Variants in ACVR1B observed in about 807,000 individuals in gnomAD.
The protein encoded by ACVR1B is activin A receptor type 1B.
Under a neutral mutation model 55.6 loss-of-function variants are expected in ACVR1B, and 15 were observed. The observed-to-expected ratio is 0.27, with a 90% CI of 0.18 to 0.42. The LOEUF is 0.42. ACVR1B is among the 10% of genes least tolerant of loss of function. ACVR1B has a pLI of 1.00. For missense variants in ACVR1B, 359 were observed against 670.1 expected (o/e 0.54, Z 5.13); for synonymous variants, 247 against 254.6 (o/e 0.97, Z 0.28).
chr12:51,984,643 T>C (rs1005307881), intron 5 of ACVR1B, among the ~76,000 whole-genome samples: 4 of 152,266 alleles, frequency 2.6e-5, no homozygotes, highest in Non-Finnish European at 4.4e-5. Context: ...CCTGAAGCTC[T>C]GCTACTTGTT....
At chr12:51,977,518 T>C (rs1211236702) in intron 3 of ACVR1B, among the ~76,000 whole-genome samples, 1 of 152,044 alleles carries the variant, frequency 6.6e-6, no homozygotes, top group Non-Finnish European at 1.5e-5. Flanking sequence ...GCTGGTCTTG[T>C]GTTCTTGACC....
At chr12:51,976,691 C>T (rs1319983680) in intron 3 of ACVR1B, 116 bp downstream of exon 3, 1 of 1,334,412 alleles carries the variant, frequency 7.5e-7, no homozygotes, top group Non-Finnish European at 1.0e-6. Flanking sequence ...AGCATTGAGT[C>T]ATTTGGTTTC....
intron 1 of ACVR1B, among the ~76,000 whole-genome samples, chr12:51,956,737 T>C (rs1941417389): frequency 6.6e-6 from 1 of 151,660 alleles, no homozygotes; most frequent in African/African-American, 2.4e-5. Context: ...AACCTGTCAA[T>C]ACATAACCTT....
At chr12:51,958,382 AC>A (rs1428229887) in intron 1 of ACVR1B, among the ~76,000 whole-genome samples, 1 of 152,124 alleles carries the variant, frequency 6.6e-6, no homozygotes, top group Non-Finnish European at 1.5e-5. Context: ...AAACTGTTCC[AC>A]CTCAGATCAT....
intron 1 of ACVR1B, among the ~76,000 whole-genome samples, chr12:51,960,910 T>G (rs1166335688): frequency 2.0e-5 from 3 of 152,250 alleles, no homozygotes; most frequent in African/African-American, 7.2e-5. Flanking sequence ...TCATCTGGTC[T>G]TAGTCTCCCT....
intron 1 of ACVR1B, among the ~76,000 whole-genome samples, chr12:51,974,399 C>A (rs1206649493): frequency 2.0e-5 from 3 of 152,178 alleles, no homozygotes; most frequent in Non-Finnish European, 4.4e-5. Flanking sequence ...GCGCCAAATT[C>A]ATTTGCAGTA....
In ACVR1B at chr12:51,995,747, C is replaced by T. The variant is rs1026834729; in HGVS notation, c.*1637C>T. The T allele has an allele frequency of 6.6e-6, 1 of 152,496 alleles. No individual in the cohort carries two copies. Among genetic ancestry groups the T allele is most frequent in the African/African-American group, 2.4e-5 (1 of 41,396 alleles). 9.4% of individuals were successfully genotyped at this position (152,496 alleles called of 1,614,324 possible). On this transcript the variant is annotated 3_prime_UTR_variant, in exon 9 of 9. Coordinates refer to ENST00000257963, the MANE Select transcript of ACVR1B (RefSeq NM_004302.5). ...GCTCAATCACACTGGAAATGTTTGT[C>T]CTTGCACCTGAGCCTGTTCCCACTC...
rs944121892 is a variant in ACVR1B at position 51,982,902 on chromosome 12, T to G, written c.812-1097T>G. The G allele has an allele frequency of 4.6e-6, 6 of 1,290,518 alleles. No individual in the cohort carries two copies. The Admixed American group carries it at 9.9e-5, about 21-fold the overall frequency. 79.9% of individuals were successfully genotyped at this position (1,290,518 alleles called of 1,614,324 possible). On this transcript the variant is annotated intron_variant, in intron 4 of 8. Coordinates refer to ENST00000257963, the MANE Select transcript of ACVR1B (RefSeq NM_004302.5). The stretch of plus-strand genomic sequence containing the variant: ...AAATCATGTCTTCTCTTTGAACTTG[T>G]TAGCAGGGTCCTCAGGACTTTGGGG...
At chr12:51,960,515 A>G (rs1941498827) in intron 1 of ACVR1B, among the ~76,000 whole-genome samples, 2 of 152,170 alleles carry the variant, frequency 1.3e-5, no homozygotes, top group East Asian at 1.9e-4. Flanking sequence ...TAATAAAAGC[A>G]TCTGATTTGC....
intron 1 of ACVR1B, among the ~76,000 whole-genome samples, chr12:51,957,145 A>G (rs1464137285): frequency 6.6e-6 from 1 of 151,932 alleles, no homozygotes; most frequent in African/African-American, 2.4e-5. Flanking sequence ...CCCAGGCTGT[A>G]TAGTACGAGA....
chr12:51,959,306 T>C (rs1215804091), intron 1 of ACVR1B, among the ~76,000 whole-genome samples: 1 of 152,182 alleles, frequency 6.6e-6, no homozygotes, highest in African/African-American at 2.4e-5. Context: ...CAAGAGGAAA[T>C]CAGATGTTCC....
At chr12:51,961,837 A>G (rs572304434) in intron 1 of ACVR1B, among the ~76,000 whole-genome samples, 1 of 152,228 alleles carries the variant, frequency 6.6e-6, no homozygotes, top group Non-Finnish European at 1.5e-5. Flanking sequence ...CTGATTGTCT[A>G]AATATGACAG....
intron 6 of ACVR1B, 57 bp downstream of exon 6, chr12:51,985,405 GT>G (rs1245778934): frequency 1.9e-6 from 3 of 1,541,004 alleles, no homozygotes; most frequent in Non-Finnish European, 2.6e-6. Context: ...TATCCCATCT[GT>G]GCCGTTTCCC....
At chr12:51,960,764 C>A (rs1941505141) in intron 1 of ACVR1B, among the ~76,000 whole-genome samples, 2 of 152,182 alleles carry the variant, frequency 1.3e-5, no homozygotes, top group Non-Finnish European at 2.9e-5. Flanking sequence ...ACCAGGCTCT[C>A]TGCCTTCAAT....
At chr12:51,966,632 A>G (rs910981928) in intron 1 of ACVR1B, among the ~76,000 whole-genome samples, 2 of 152,124 alleles carry the variant, frequency 1.3e-5, no homozygotes, top group Non-Finnish European at 2.9e-5. Flanking sequence ...TACTTTTTGT[A>G]GAGACAGGGT....
chr12:51,973,144 G>A (rs957583581), intron 1 of ACVR1B, among the ~76,000 whole-genome samples: 3 of 152,206 alleles, frequency 2.0e-5, no homozygotes, highest in African/African-American at 7.2e-5. Flanking sequence ...GTGAACTAAC[G>A]AAATAAGCAT....
intron 3 of ACVR1B, among the ~76,000 whole-genome samples, chr12:51,979,508 T>G (rs1941938238): frequency 6.8e-6 from 1 of 148,108 alleles, no homozygotes; most frequent in South Asian, 2.1e-4. Context: ...TGAGTTGGAA[T>G]TTTTAAGAGA....
At chr12:51,976,252 T>C in intron 2 of ACVR1B, 75 bp from the exon 3 acceptor site, 1 of 1,561,016 alleles carries the variant, frequency 6.4e-7, no homozygotes, top group Non-Finnish European at 8.8e-7. Flanking sequence ...CACTCTTCAC[T>C]TTGAGGGGGG....
intron 1 of ACVR1B, among the ~76,000 whole-genome samples, chr12:51,952,494 A>T (rs1941321217): frequency 6.6e-6 from 1 of 152,076 alleles, no homozygotes; most frequent in African/African-American, 2.4e-5. Flanking sequence ...TCCGGCACTC[A>T]TGCCCCGTGG....
Sources: gnomAD v4.1 joint callset for allele counts (sites outside exome capture counted in the v4.1 genomes callset) on GRCh38, gnomAD v4.1.1 for gene constraint, MANE v1.5 for transcripts, NCBI Gene and HGNC (gene_info 2026-07-23, HGNC 2026-07-21) for gene names.